Variants in GPRASP3 observed in about 807,000 individuals in gnomAD.
The protein encoded by GPRASP3 is G protein-coupled receptor associated sorting protein 3.
At chrX:102,749,430 G>A in the GPRASP3 span, 1 of 1,212,009 alleles carries the variant, frequency 8.3e-7, no homozygotes, top group Non-Finnish European at 1.1e-6. Flanking sequence ...TTGGTGCCCA[G>A]GTCTGTGCTG....
At chrX:102,734,242 C>A in the GPRASP3 span, among the ~76,000 whole-genome samples, 6 of 112,028 alleles carry the variant, frequency 5.4e-5, no homozygotes, top group African/African-American at 2.0e-4. Flanking sequence ...CTGACAGTCA[C>A]AATCTCCAAA....
the GPRASP3 span, chrX:102,749,270 C>G: frequency 1.2e-5 from 14 of 1,209,674 alleles, no homozygotes; most frequent in South Asian, 2.1e-4. Context: ...ACTCCCAAGG[C>G]TGGGAATGAG....
the GPRASP3 span, among the ~76,000 whole-genome samples, chrX:102,734,861 A>G: frequency 8.9e-6 from 1 of 111,798 alleles, no homozygotes; most frequent in Non-Finnish European, 1.9e-5. Flanking sequence ...GCCAAATACA[A>G]TTTCATATTT....
the GPRASP3 span, among the ~76,000 whole-genome samples, chrX:102,731,193 A>G: frequency 1.1e-4 from 12 of 113,199 alleles, no homozygotes; most frequent in African/African-American, 2.9e-4. Flanking sequence ...AAGGTATCCA[A>G]GTTACCAACA....
the GPRASP3 span, among the ~76,000 whole-genome samples, chrX:102,730,819 A>G: frequency 9.1e-6 from 1 of 109,377 alleles, no homozygotes; most frequent in Non-Finnish European, 1.9e-5. Flanking sequence ...TCTGCTTAGG[A>G]ACAAAAAAAA....
the GPRASP3 span, chrX:102,749,869 A>G: frequency 8.3e-7 from 1 of 1,206,794 alleles, no homozygotes; most frequent in Non-Finnish European, 1.1e-6. Context: ...CATCCAGACC[A>G]TAGATGAGAT....
the GPRASP3 span, among the ~76,000 whole-genome samples, chrX:102,742,213 C>T: frequency 8.9e-6 from 1 of 111,850 alleles, no homozygotes; most frequent in East Asian, 2.8e-4. Flanking sequence ...TGCTTCTAAA[C>T]TTTAAGCTGT....
At chrX:102,739,021 A>G in the GPRASP3 span, among the ~76,000 whole-genome samples, 1 of 111,590 alleles carries the variant, frequency 9.0e-6, no homozygotes, top group Non-Finnish European at 1.9e-5. Flanking sequence ...GTGAGAGACA[A>G]ATGGTTGCAT....
chrX:102,744,187 G>T, the GPRASP3 span, among the ~76,000 whole-genome samples: 1 of 112,142 alleles, frequency 8.9e-6, no homozygotes, highest in Non-Finnish European at 1.9e-5. Context: ...AGCCAGATCA[G>T]ATCTCCTTCA....
chrX:102,727,722 C>A, the GPRASP3 span, among the ~76,000 whole-genome samples: 7 of 112,281 alleles, frequency 6.2e-5, no homozygotes, highest in Admixed American at 6.6e-4. Flanking sequence ...TTCTTGCTTT[C>A]TCCAGCCCAC....
the GPRASP3 span, chrX:102,750,626 T>G: frequency 3.4e-6 from 4 of 1,166,560 alleles, no homozygotes; most frequent in Non-Finnish European, 4.6e-6. Context: ...AAAGAGATTA[T>G]TGAAACAATG....
chrX:102,740,845 A>G, the GPRASP3 span, among the ~76,000 whole-genome samples: 4 of 110,801 alleles, frequency 3.6e-5, no homozygotes, highest in Non-Finnish European at 7.6e-5. Flanking sequence ...AAGAGAAGAA[A>G]AGAGAAAGGA....
At chrX:102,729,847 G>A in the GPRASP3 span, among the ~76,000 whole-genome samples, 1 of 111,767 alleles carries the variant, frequency 8.9e-6, no homozygotes, top group Admixed American at 9.5e-5. Context: ...TCCAGCAAAT[G>A]AAGAATGCCT....
At chrX:102,728,952 A>G in the GPRASP3 span, among the ~76,000 whole-genome samples, 1 of 112,287 alleles carries the variant, frequency 8.9e-6, no homozygotes, top group African/African-American at 3.2e-5. Flanking sequence ...CCAGAGAGTC[A>G]CAGCCTATTT....
chrX:102,722,897 A>T, the GPRASP3 span, among the ~76,000 whole-genome samples: 2 of 111,505 alleles, frequency 1.8e-5, no homozygotes, highest in Admixed American at 9.6e-5. Flanking sequence ...AGTTAGAAGG[A>T]ATATGATCTA....
the GPRASP3 span, among the ~76,000 whole-genome samples, chrX:102,734,636 TA>T: frequency 9.0e-6 from 1 of 110,543 alleles, no homozygotes; most frequent in Non-Finnish European, 1.9e-5. Flanking sequence ...ATAATAATAA[TA>T]AAAAAATAAC....
the GPRASP3 span, among the ~76,000 whole-genome samples, chrX:102,723,071 A>G: frequency 8.9e-6 from 1 of 112,200 alleles, no homozygotes; most frequent in African/African-American, 3.2e-5. Context: ...ATATCAAAAT[A>G]TAATTTATAC....
chrX:102,739,933 A>G, the GPRASP3 span, among the ~76,000 whole-genome samples: 1 of 112,201 alleles, frequency 8.9e-6, no homozygotes, highest in Non-Finnish European at 1.9e-5. Flanking sequence ...TTTAGAAGTC[A>G]TGTGGCATGC....
chrX:102,748,802 C>T, the GPRASP3 span: 5 of 405,684 alleles, frequency 1.2e-5, no homozygotes, highest in South Asian at 2.9e-4. Context: ...CCCGAGCGTG[C>T]CTCTGCCCTC....
Sources: allele counts gnomAD v4.1 joint callset (sites outside exome capture counted in the v4.1 genomes callset), GRCh38; gene constraint gnomAD v4.1.1; transcripts MANE v1.5; gene names NCBI Gene and HGNC (gene_info 2026-07-23, HGNC 2026-07-21).